PTPRJ: variants seen among roughly 807,000 people sequenced by gnomAD.
PTPRJ encodes the protein protein tyrosine phosphatase receptor type J, also known as receptor-type tyrosine-protein phosphatase eta.
In PTPRJ, 129 loss-of-function variants were observed where a neutral mutation model predicts 141.3. The observed-to-expected ratio is 0.91, with a 90% CI of 0.79 to 1.06. The LOEUF is 1.06. Among genes scored for constraint, PTPRJ ranks in the 50% least tolerant of loss-of-function variants. PTPRJ has a pLI of 0.00. For synonymous variants in PTPRJ, 610 were observed against 640.5 expected (o/e 0.95, Z 0.72); for missense variants, 1,601 against 1,679.7 (o/e 0.95, Z 0.82).
At chr11:48,034,755 C>T (rs918561830) in intron 1 of PTPRJ, among the ~76,000 whole-genome samples, 1 of 152,186 alleles carries the variant, frequency 6.6e-6, no homozygotes, top group Non-Finnish European at 1.5e-5. Context: ...GAGCCTGGCT[C>T]CATGTTCTAG....
chr11:48,101,641 A>G (rs960525777), intron 1 of PTPRJ, among the ~76,000 whole-genome samples: 7 of 152,290 alleles, frequency 4.6e-5, no homozygotes, highest in African/African-American at 1.7e-4. Flanking sequence ...CATGGACTGA[A>G]TATACACCCA....
At chr11:48,155,546 A>G (rs1857578795) in intron 19 of PTPRJ, among the ~76,000 whole-genome samples, 1 of 152,162 alleles carries the variant, frequency 6.6e-6, no homozygotes, top group East Asian at 1.9e-4. Context: ...TCCTGGTGTC[A>G]GGCTGCAGGT....
intron 1 of PTPRJ, among the ~76,000 whole-genome samples, chr11:48,084,127 T>C (rs1371648199): frequency 1.3e-5 from 2 of 152,162 alleles, no homozygotes; most frequent in African/African-American, 4.8e-5. Flanking sequence ...TGAAGGTGCA[T>C]TCCAGAGAGC....
chr11:48,104,948 G>A (rs926591549), intron 1 of PTPRJ, among the ~76,000 whole-genome samples: 2 of 152,084 alleles, frequency 1.3e-5, no homozygotes, highest in Non-Finnish European at 2.9e-5. Context: ...TCCAAGGCTC[G>A]GTGTCTACAT....
At chr11:48,047,190 A>G (rs1283775358) in intron 1 of PTPRJ, among the ~76,000 whole-genome samples, 1 of 152,154 alleles carries the variant, frequency 6.6e-6, no homozygotes, top group Admixed American at 6.5e-5. Context: ...CACTGGGATT[A>G]CAGGCATGAG....
At chr11:48,026,871 C>T (rs1407871048) in intron 1 of PTPRJ, among the ~76,000 whole-genome samples, 1 of 151,980 alleles carries the variant, frequency 6.6e-6, no homozygotes, top group Non-Finnish European at 1.5e-5. Flanking sequence ...CCTCTGAGTC[C>T]CCGAAGTCCA....
At chr11:47,986,587 A>G (rs570904959) in intron 1 of PTPRJ, among the ~76,000 whole-genome samples, 6 of 152,170 alleles carry the variant, frequency 3.9e-5, no homozygotes, top group Non-Finnish European at 8.8e-5. Context: ...CGTGATCTCC[A>G]CTTACTGCAA....
chr11:47,995,411 G>T (rs570973062), intron 1 of PTPRJ, among the ~76,000 whole-genome samples: 3 of 152,204 alleles, frequency 2.0e-5, no homozygotes, highest in African/African-American at 7.2e-5. Context: ...ATAGGACAGG[G>T]CGTGTCTGAG....
chr11:48,055,670 G>A (rs562352171), intron 1 of PTPRJ, among the ~76,000 whole-genome samples: 121 of 152,256 alleles, frequency 7.9e-4, no homozygotes, highest in Non-Finnish European at 1.4e-3. Context: ...CTGGGGGCAC[G>A]AGGGTCCCAT....
intron 6 of PTPRJ, 86 bp downstream of exon 6, chr11:48,125,272 T>G (rs1856807865): frequency 2.1e-6 from 3 of 1,441,134 alleles, no homozygotes; most frequent in South Asian, 1.2e-5. Context: ...GAGTGATTTC[T>G]TGCATAACAG....
intron 1 of PTPRJ, among the ~76,000 whole-genome samples, chr11:48,077,791 A>G (rs1215413626): frequency 6.6e-6 from 1 of 152,108 alleles, no homozygotes; most frequent in Non-Finnish European, 1.5e-5. Flanking sequence ...CTTTAAGGAG[A>G]CTTCTCCTGA....
chr11:48,097,152 G>A (rs1304817293), intron 1 of PTPRJ, among the ~76,000 whole-genome samples: 2 of 152,140 alleles, frequency 1.3e-5, no homozygotes, highest in African/African-American at 2.4e-5. Context: ...TGAGTGCTGC[G>A]TGGACCCACT....
At chr11:48,088,159 G>C (rs1325763552) in intron 1 of PTPRJ, among the ~76,000 whole-genome samples, 1 of 152,138 alleles carries the variant, frequency 6.6e-6, no homozygotes, top group African/African-American at 2.4e-5. Context: ...GTACACGCTT[G>C]GTCACTCTTC....
chr11:48,119,834 C>A (rs188535793), intron 3 of PTPRJ, among the ~76,000 whole-genome samples: 1 of 152,322 alleles, frequency 6.6e-6, no homozygotes, highest in East Asian at 1.9e-4. Flanking sequence ...GTCCCAAGCT[C>A]CTTGAGAATG....
At chr11:48,112,563 A>G (rs923035944) in intron 2 of PTPRJ, among the ~76,000 whole-genome samples, 184 bp from the exon 3 acceptor site, 1 of 152,198 alleles carries the variant, frequency 6.6e-6, no homozygotes, top group Non-Finnish European at 1.5e-5. Context: ...GGTACTCTCC[A>G]TGTGGCCAGA....
intron 1 of PTPRJ, among the ~76,000 whole-genome samples, chr11:48,016,855 A>G (rs964978547): frequency 6.6e-6 from 1 of 152,140 alleles, no homozygotes. Flanking sequence ...CTTTACATAC[A>G]TTATCTTAAT....
chr11:48,083,836 G>A (rs1362018315), intron 1 of PTPRJ, among the ~76,000 whole-genome samples: 1 of 152,148 alleles, frequency 6.6e-6, no homozygotes, highest in Non-Finnish European at 1.5e-5. Context: ...AGTGGTCCTG[G>A]GACTCTTGGG....
chr11:48,121,978 C>T (rs941283050), intron 4 of PTPRJ, among the ~76,000 whole-genome samples: 7 of 151,934 alleles, frequency 4.6e-5, no homozygotes, highest in South Asian at 2.1e-4. Flanking sequence ...TTGGAGCCCA[C>T]GGCTGGAGGT....
intron 4 of PTPRJ, 88 bp from the exon 5 acceptor site, chr11:48,123,525 C>A: frequency 7.2e-7 from 1 of 1,388,614 alleles, no homozygotes; most frequent in Non-Finnish European, 9.7e-7. Flanking sequence ...CTTTTAAAAC[C>A]CGCTCCCAGC....
Sources: gnomAD v4.1 joint callset for allele counts (sites outside exome capture counted in the v4.1 genomes callset) on GRCh38, gnomAD v4.1.1 for gene constraint, MANE v1.5 for transcripts, NCBI Gene and HGNC (gene_info 2026-07-23, HGNC 2026-07-21) for gene names.